The following DEFB123 variants were observed in gnomAD, a reference collection of about 807,000 sequenced individuals.
DEFB123 encodes the protein beta-defensin 123.
For missense variants in DEFB123, 71 were observed against 75.0 expected, an observed-to-expected ratio of 0.95 and a Z score of 0.20; for synonymous variants, 22 against 28.3, an observed-to-expected ratio of 0.78 and a Z score of 0.71.
At position 31,440,724 on chromosome 20, in the gene DEFB123, CTG is replaced by C. The variant is rs1215467028; in HGVS notation, c.29_30del (p.Val10AlafsTer39). 1 of 1,613,662 alleles carries C rather than the reference CTG, an allele frequency of 6.2e-7. No homozygotes were observed. Among genetic ancestry groups the C allele is most frequent in the African/African-American group, 1.3e-5 (1 of 74,944 alleles). On this transcript the variant is annotated frameshift_variant, in exon 1 of 2. Coordinates refer to ENST00000376309, the MANE Select transcript of DEFB123 (RefSeq NM_153324.4). LOFTEE classifies it low-confidence loss of function (END_TRUNC). Reference sequence around the variant, plus strand: ...ATGAAGCTCCTTTTGCTGACTTTGACTGTGCTGCTGCTCTTATCCCAGCTGAC... The same window carrying C: ...ATGAAGCTCCTTTTGCTGACTTTGACTGCTGCTGCTCTTATCCCAGCTGAC...
rs1239545810 is a variant in DEFB123 at position 31,447,686 on chromosome 20, A to C, written c.59-2343A>C. ...GGGTAGAGTGCAGTGGCGTGACCAC[A>C]GCTCACTGCAGCCTCGACCTCCCAG... On this transcript the variant is annotated intron_variant, in intron 1 of 1. Coordinates refer to ENST00000376309, the MANE Select transcript of DEFB123 (RefSeq NM_153324.4). 2.7e-5 allele frequency among the ~76,000 whole-genome samples: 4 copies of C among 149,816 alleles called. No individual in the cohort carries two copies. In the East Asian group the frequency reaches 7.8e-4, roughly 29 times the overall value.
At chr20:31,446,712 G>A (rs1396562164) in intron 1 of DEFB123, among the ~76,000 whole-genome samples, 2 of 152,074 alleles carry the variant, frequency 1.3e-5, no homozygotes, top group African/African-American at 4.8e-5. Flanking sequence ...ATGCCAATTC[G>A]CACATTGTGT....
Position 31,443,102 on chromosome 20 carries a change from C to T in DEFB123, c.58+2346C>T, listed in dbSNP as rs555639266. On this transcript the variant is annotated intron_variant, in intron 1 of 1. Transcript: ENST00000376309. The stretch of plus-strand genomic sequence containing the variant: ...CTTACTGACTTCTGGGATCACGACC[C>T]TCGTTGGATGTGGTTAGTAGCGTCC... Among the ~76,000 whole-genome samples the T allele has an allele frequency of 3.9e-5, 6 of 152,282 alleles. No individual in the cohort carries two copies. In the East Asian group the frequency reaches 1.2e-3, roughly 29 times the overall value.
At chr20:31,444,958 A>T (rs1979550777) in intron 1 of DEFB123, among the ~76,000 whole-genome samples, 1 of 152,164 alleles carries the variant, frequency 6.6e-6, no homozygotes, top group South Asian at 2.1e-4. Flanking sequence ...CACCCTATTT[A>T]TACTGTTAAA....
chr20:31,445,162 T>A (rs903546341), intron 1 of DEFB123, among the ~76,000 whole-genome samples: 2 of 152,224 alleles, frequency 1.3e-5, no homozygotes, highest in Non-Finnish European at 2.9e-5. Context: ...TTCCTGCAAA[T>A]CAGCACCTGT....
intron 1 of DEFB123, among the ~76,000 whole-genome samples, 176 bp from the exon 2 acceptor site, chr20:31,449,839 CACTCTCTCAGTCAA>C (rs1315042842): frequency 1.3e-5 from 2 of 149,244 alleles, no homozygotes; most frequent in Non-Finnish European, 3.0e-5. Flanking sequence ...GTACCAAGGT[CACTCTCTCAGTCAA>C]AGGTGGGAAG....
intron 1 of DEFB123, among the ~76,000 whole-genome samples, chr20:31,442,890 G>A (rs1375037481): frequency 6.6e-6 from 1 of 152,190 alleles, no homozygotes; most frequent in Non-Finnish European, 1.5e-5. Context: ...TTACAGGCTT[G>A]AGCCACCATG....
At chr20:31,448,623 G>A (rs1413722101) in intron 1 of DEFB123, among the ~76,000 whole-genome samples, 1 of 151,872 alleles carries the variant, frequency 6.6e-6, no homozygotes, top group African/African-American at 2.4e-5. Flanking sequence ...TTCTTCTTCA[G>A]TCTAACCTAC....
intron 1 of DEFB123, among the ~76,000 whole-genome samples, chr20:31,442,788 T>A (rs1260226987): frequency 1.3e-5 from 2 of 151,956 alleles, no homozygotes; most frequent in African/African-American, 2.4e-5. Context: ...TTTGTATTTT[T>A]AGTAGGATAC....
At chr20:31,449,657 C>G (rs1979685597) in intron 1 of DEFB123, among the ~76,000 whole-genome samples, 1 of 151,320 alleles carries the variant, frequency 6.6e-6, no homozygotes, top group South Asian at 2.1e-4. Flanking sequence ...TGTCCTAGCT[C>G]CTCGGGGAAA....
At chr20:31,444,357 C>T (rs1261523294) in intron 1 of DEFB123, among the ~76,000 whole-genome samples, 1 of 150,772 alleles carries the variant, frequency 6.6e-6, no homozygotes, top group African/African-American at 2.5e-5. Flanking sequence ...AATCAAATAT[C>T]TGGGTATCTA....
intron 1 of DEFB123, among the ~76,000 whole-genome samples, chr20:31,443,333 G>A (rs986743768): frequency 6.6e-6 from 1 of 152,158 alleles, no homozygotes; most frequent in African/African-American, 2.4e-5. Flanking sequence ...AGAGACAAGG[G>A]AACCTGGGGA....
In DEFB123 at chr20:31,450,180, T is replaced by A. The variant is rs1979704522; in HGVS notation, c.*6T>A. ...AAAGGTGGTGGCCATTTTAACTGCTTTGAAGCCTGAAGCCATGAAAATGCA... is the reference window on the plus strand; with the variant it reads ...AAAGGTGGTGGCCATTTTAACTGCTATGAAGCCTGAAGCCATGAAAATGCA... On this transcript the variant is annotated 3_prime_UTR_variant, in exon 2 of 2. Transcript: ENST00000376309. 6.3e-7 allele frequency: 1 copy of A among 1,599,290 alleles called. No homozygotes were observed. The highest frequency in any genetic ancestry group is 1.4e-5 in the African/African-American group (1 of 73,636).
At chr20:31,450,001 T>C in intron 1 of DEFB123, 28 bp from the exon 2 acceptor site, 1 of 1,596,316 alleles carries the variant, frequency 6.3e-7, no homozygotes, top group Non-Finnish European at 8.5e-7. Context: ...GGACTGATAC[T>C]GTCTCCCTTC....
intron 1 of DEFB123, among the ~76,000 whole-genome samples, chr20:31,447,266 A>AAAT (rs1360698785): frequency 6.6e-6 from 1 of 152,118 alleles, no homozygotes; most frequent in Non-Finnish European, 1.5e-5. Flanking sequence ...CATCTCAAAA[A>AAAT]AATAATAATA....
chr20:31,445,437 T>C (rs1160190744), intron 1 of DEFB123, among the ~76,000 whole-genome samples: 1 of 152,200 alleles, frequency 6.6e-6, no homozygotes, highest in Non-Finnish European at 1.5e-5. Flanking sequence ...AGCAGTACAG[T>C]GCATATAGGA....
chr20:31,440,635 C>T lies in DEFB123; in HGVS notation c.-64C>T. On this transcript the variant is annotated 5_prime_UTR_variant, in exon 1 of 2. Coordinates refer to ENST00000376309, the MANE Select transcript of DEFB123 (RefSeq NM_153324.4). ...GAGTGCGAGCCACAGGCCAGGCACT[C>T]TCCTTCTCCCATTAGCTCAGCCGTG... 1 of 1,599,904 alleles carries T rather than the reference C, an allele frequency of 6.3e-7. No individual in the cohort carries two copies. Among genetic ancestry groups the T allele is most frequent in the Non-Finnish European group, 8.5e-7 (1 of 1,169,722 alleles).
chr20:31,445,434 C>T (rs1295106658), intron 1 of DEFB123, among the ~76,000 whole-genome samples: 3 of 152,146 alleles, frequency 2.0e-5, no homozygotes, highest in African/African-American at 7.2e-5. Context: ...CTTAGCAGTA[C>T]AGTGCATATA....
chr20:31,440,755 A>G lies in DEFB123; in HGVS notation c.57A>G (p.Pro19=). 6.2e-7 allele frequency: 1 copy of G among 1,613,386 alleles called. No individual in the cohort carries two copies. The highest frequency in any genetic ancestry group is 8.5e-7 in the Non-Finnish European group (1 of 1,180,010). The change falls in exon 1 of 2, where the codon CCA becomes CCG. Residue 19 remains proline, a splice_region_variant and synonymous_variant. Transcript: ENST00000376309. ...TVLLLLSQLT[P]GGTQRCWNLY... ...TGCTGCTCTTATCCCAGCTGACTCC[A>G]GGTAACCTGAACCTCCTTAAGGAAG...
Sources: gnomAD v4.1 joint callset for allele counts (sites outside exome capture counted in the v4.1 genomes callset) on GRCh38, gnomAD v4.1.1 for gene constraint, MANE v1.5 for transcripts, NCBI Gene and HGNC (gene_info 2026-07-23, HGNC 2026-07-21) for gene names.